The following MAP3K20 variants were observed in gnomAD, a reference collection of about 807,000 sequenced individuals.
MAP3K20 encodes the protein HCCS-4.
A neutral mutation model predicts 85.7 loss-of-function variants in MAP3K20; 40 were observed. That is an observed-to-expected ratio of 0.47 (90% CI 0.36 to 0.61). MAP3K20 has a LOEUF of 0.61. Ranked by LOEUF, MAP3K20 falls within the 20% of genes least tolerant of loss-of-function variation. The pLI is 0.00. For missense variants in MAP3K20, 817 were observed against 961.7 expected, an observed-to-expected ratio of 0.85 and a Z score of 1.99; for synonymous variants, 325 against 327.7, an observed-to-expected ratio of 0.99 and a Z score of 0.09.
chr2:173,150,634 C>T (rs1259047517), intron 2 of MAP3K20, among the ~76,000 whole-genome samples: 4 of 152,190 alleles, frequency 2.6e-5, no homozygotes, highest in African/African-American at 4.8e-5. Context: ...TGGGTGATCT[C>T]GGCTCACTGC....
intron 9 of MAP3K20, among the ~76,000 whole-genome samples, chr2:173,209,295 T>C (rs561671775): frequency 1.3e-5 from 2 of 152,344 alleles, no homozygotes; most frequent in Non-Finnish European, 2.9e-5. Flanking sequence ...CATAAAAATG[T>C]TCAAACATAA....
intron 2 of MAP3K20, among the ~76,000 whole-genome samples, chr2:173,134,002 A>C (rs113993048): frequency 0.016 from 2,371 of 150,998 alleles, 57 homozygotes; most frequent in South Asian, 0.036. Flanking sequence ...AAAAACAAAA[A>C]ACAAAAAACA....
At chr2:173,256,015 C>G (rs575996878) in intron 16 of MAP3K20, among the ~76,000 whole-genome samples, 13 of 152,200 alleles carry the variant, frequency 8.5e-5, no homozygotes, top group Non-Finnish European at 1.8e-4. Flanking sequence ...AGCCAAGAAC[C>G]AGGTTTTCAT....
chr2:173,118,149 G>A (rs1219079502), intron 2 of MAP3K20, among the ~76,000 whole-genome samples: 2 of 152,094 alleles, frequency 1.3e-5, no homozygotes, highest in Non-Finnish European at 2.9e-5. Flanking sequence ...GATTAATTAC[G>A]TTTCATCTCT....
chr2:173,182,455 GACA>G lies in MAP3K20; in HGVS notation c.248-394_248-392del, dbSNP rs533895259. Among the ~76,000 whole-genome samples the G allele has an allele frequency of 2.9e-3, 444 of 152,214 alleles. 1 individual carries two copies. The highest frequency in any genetic ancestry group is 3.7e-3 in the Admixed American group (57 of 15,292). On this transcript the variant is annotated intron_variant, in intron 3 of 19. Coordinates refer to ENST00000375213, the MANE Select transcript of MAP3K20 (RefSeq NM_016653.3). ...TGAGAGCTCTTCTAAGTCCTTATGT[GACA>G]ACAATTGATTTGTTTACACTGTCAT...
At chr2:173,137,870 A>G (rs1209678318) in intron 2 of MAP3K20, among the ~76,000 whole-genome samples, 1 of 152,234 alleles carries the variant, frequency 6.6e-6, no homozygotes, top group Non-Finnish European at 1.5e-5. Flanking sequence ...AATCTACTTG[A>G]ACAATTACCT....
At chr2:173,110,327 C>A (rs561155108) in intron 2 of MAP3K20, among the ~76,000 whole-genome samples, 172 of 133,066 alleles carry the variant, frequency 1.3e-3, no homozygotes, top group African/African-American at 4.6e-3. Flanking sequence ...GATCATGGCT[C>A]ACTGCAGCCC....
At chr2:173,217,467 T>C (rs997475959) in intron 11 of MAP3K20, among the ~76,000 whole-genome samples, 6 of 152,350 alleles carry the variant, frequency 3.9e-5, no homozygotes, top group Non-Finnish European at 5.9e-5. Context: ...GCTTATCCTA[T>C]TTCTGGCTCC....
chr2:173,226,311 AT>A, intron 11 of MAP3K20: 3 of 985,006 alleles, frequency 3.0e-6, no homozygotes, highest in Non-Finnish European at 3.6e-6. Flanking sequence ...TTTAAAACTT[AT>A]TCTGAGTTAA....
chr2:173,251,260 C>T (rs1685035804), intron 16 of MAP3K20, among the ~76,000 whole-genome samples: 1 of 152,124 alleles, frequency 6.6e-6, no homozygotes, highest in African/African-American at 2.4e-5. Context: ...TAAATTGCTT[C>T]CTCAAGACAG....
intron 2 of MAP3K20, among the ~76,000 whole-genome samples, chr2:173,164,237 A>G (rs910250821): frequency 2.0e-5 from 3 of 152,034 alleles, no homozygotes; most frequent in Non-Finnish European, 2.9e-5. Flanking sequence ...GGATTTTTTA[A>G]TAATAGCCAT....
In MAP3K20 at chr2:173,126,707, T is replaced by C. The variant is rs182993732; in HGVS notation, c.159+35517T>C. Among the ~76,000 whole-genome samples the C allele has an allele frequency of 1.7e-3, 259 of 152,308 alleles. 1 individual carries two copies. The highest frequency in any genetic ancestry group is 3.0e-3 in the Non-Finnish European group (201 of 68,022). ...TGAATGTTTCTTTACAAAGAGAATATGCATTTCTTATTTTTATTAGCAGTC... is the reference window on the plus strand; with the variant it reads ...TGAATGTTTCTTTACAAAGAGAATACGCATTTCTTATTTTTATTAGCAGTC... On this transcript the variant is annotated intron_variant, in intron 2 of 19. Coordinates refer to ENST00000375213, the MANE Select transcript of MAP3K20 (RefSeq NM_016653.3).
chr2:173,225,103 TAA>T (rs1439600481), intron 11 of MAP3K20: 4 of 975,552 alleles, frequency 4.1e-6, no homozygotes, highest in Non-Finnish European at 4.8e-6. Context: ...TCTTAATTCA[TAA>T]AGTTATCTTG....
intron 12 of MAP3K20, among the ~76,000 whole-genome samples, chr2:173,230,024 G>C (rs185615380): frequency 6.6e-6 from 1 of 152,110 alleles, no homozygotes; most frequent in African/African-American, 2.4e-5. Flanking sequence ...TAGAGATGGC[G>C]TTTCACCATG....
intron 2 of MAP3K20, among the ~76,000 whole-genome samples, chr2:173,104,475 C>G (rs1393472321): frequency 6.6e-6 from 1 of 151,966 alleles, no homozygotes; most frequent in Admixed American, 6.6e-5. Context: ...TGAATATACA[C>G]AGTGTGGTAT....
chr2:173,079,902 T>C (rs1292828744), intron 1 of MAP3K20, among the ~76,000 whole-genome samples: 1 of 152,098 alleles, frequency 6.6e-6, no homozygotes, highest in East Asian at 1.9e-4. Context: ...TTTTTTTTTT[T>C]TTAAGTGGAA....
chr2:173,221,220 G>A, intron 11 of MAP3K20: 2 of 1,612,802 alleles, frequency 1.2e-6, no homozygotes, highest in Non-Finnish European at 1.7e-6. Context: ...GAGTCAAACA[G>A]TGCAGAGATG....
intron 1 of MAP3K20, among the ~76,000 whole-genome samples, chr2:173,077,454 A>C (rs1266849558): frequency 6.6e-6 from 1 of 151,312 alleles, no homozygotes. Flanking sequence ...TTTGTTTTAA[A>C]TTCCTGCTAC....
intron 2 of MAP3K20, among the ~76,000 whole-genome samples, chr2:173,115,840 G>C (rs1327083268): frequency 1.3e-5 from 2 of 152,038 alleles, no homozygotes; most frequent in Non-Finnish European, 2.9e-5. Context: ...TGGACTCTGT[G>C]AGGGTTCTTA....
Sources: allele counts gnomAD v4.1 joint callset (sites outside exome capture counted in the v4.1 genomes callset), GRCh38; gene constraint gnomAD v4.1.1; transcripts MANE v1.5; gene names NCBI Gene and HGNC (gene_info 2026-07-23, HGNC 2026-07-21).